Variants in CEP128 observed in about 807,000 individuals in gnomAD.
CEP128 encodes centrosomal protein 128kDa.
In CEP128, 132 loss-of-function variants were observed where a neutral mutation model predicts 156.7. That is an observed-to-expected ratio of 0.84 (90% CI 0.73 to 0.97). The LOEUF is 0.97. Among genes scored for constraint, CEP128 ranks in the 50% least tolerant of loss-of-function variants. The pLI, the probability that CEP128 is intolerant of heterozygous loss-of-function variation, is 0.00. For synonymous variants in CEP128, 469 were observed against 448.9 expected (o/e 1.04, Z -0.57); for missense variants, 1,252 against 1,281.9 (o/e 0.98, Z 0.36).
intron 19 of CEP128, among the ~76,000 whole-genome samples, chr14:80,681,193 G>A (rs1896310786): frequency 6.6e-6 from 1 of 152,088 alleles, no homozygotes; most frequent in South Asian, 2.1e-4. Context: ...CCCTAGCGAG[G>A]AAGGGAAAAG....
chr14:80,796,011 T>C (rs1346174942), intron 13 of CEP128, among the ~76,000 whole-genome samples: 1 of 152,126 alleles, frequency 6.6e-6, no homozygotes, highest in African/African-American at 2.4e-5. Context: ...CAATCCTACA[T>C]TATCTTCTAC....
At chr14:80,751,472 A>G (rs1167402507) in intron 18 of CEP128, among the ~76,000 whole-genome samples, 1 of 152,158 alleles carries the variant, frequency 6.6e-6, no homozygotes, top group East Asian at 1.9e-4. Flanking sequence ...ACAATTCCCA[A>G]TAATAATTAG....
chr14:80,861,119 T>C (rs938721569), intron 9 of CEP128, among the ~76,000 whole-genome samples: 1 of 152,032 alleles, frequency 6.6e-6, no homozygotes, highest in Non-Finnish European at 1.5e-5. Flanking sequence ...AGTAGGATTC[T>C]ATAAATGTAG....
intron 2 of CEP128, among the ~76,000 whole-genome samples, chr14:80,946,910 G>A (rs558654976): frequency 3.9e-5 from 6 of 152,200 alleles, no homozygotes; most frequent in Non-Finnish European, 7.3e-5. Flanking sequence ...CCCCCTTGCT[G>A]TTCTCATAAT....
intron 13 of CEP128, among the ~76,000 whole-genome samples, chr14:80,801,940 T>TAAAAAAA: frequency 1.7e-5 from 1 of 58,562 alleles, no homozygotes; most frequent in South Asian, 5.6e-4. Flanking sequence ...AAAAAAAAGC[T>TAAAAAAA]CAACATCACT....
intron 18 of CEP128, among the ~76,000 whole-genome samples, chr14:80,749,123 C>A: frequency 6.6e-6 from 1 of 152,106 alleles, no homozygotes; most frequent in East Asian, 1.9e-4. Flanking sequence ...CACCTCCAGG[C>A]AGTTCAGCAC....
intron 19 of CEP128, among the ~76,000 whole-genome samples, chr14:80,599,309 G>C (rs1441011900): frequency 8.6e-6 from 1 of 115,972 alleles, no homozygotes; most frequent in Non-Finnish European, 1.6e-5. Flanking sequence ...GTCTCGCTCT[G>C]TCACCCAGGC....
intron 13 of CEP128, 120 bp from the exon 14 acceptor site, chr14:80,793,230 T>C: frequency 1.4e-6 from 1 of 707,280 alleles, no homozygotes. Context: ...TTAAAATTCA[T>C]TAGCAATCAA....
chr14:80,716,535 C>A (rs1279249819), intron 19 of CEP128, among the ~76,000 whole-genome samples: 1 of 152,164 alleles, frequency 6.6e-6, no homozygotes, highest in Non-Finnish European at 1.5e-5. Flanking sequence ...TTTTCATATG[C>A]ATGAAGTTTT....
chr14:80,729,529 T>TC (rs1898184405), intron 19 of CEP128, among the ~76,000 whole-genome samples: 1 of 152,128 alleles, frequency 6.6e-6, no homozygotes, highest in African/African-American at 2.4e-5. Context: ...CTTCATAAAT[T>TC]CCCTCTGGGT....
chr14:80,855,440 T>C (rs1161635855), intron 9 of CEP128, among the ~76,000 whole-genome samples: 1 of 152,146 alleles, frequency 6.6e-6, no homozygotes. Flanking sequence ...GCTGGGATGA[T>C]CAATACGAGA....
intron 14 of CEP128, among the ~76,000 whole-genome samples, chr14:80,786,049 T>C (rs1032704172): frequency 1.3e-5 from 2 of 152,106 alleles, no homozygotes; most frequent in African/African-American, 4.8e-5. Flanking sequence ...CCATTATTTT[T>C]AAAATATCAA....
intron 19 of CEP128, among the ~76,000 whole-genome samples, chr14:80,643,351 C>G: frequency 6.6e-6 from 1 of 152,128 alleles, no homozygotes; most frequent in East Asian, 1.9e-4. Flanking sequence ...AGCGGCACCA[C>G]AGCAGTCAGC....
At chr14:80,779,342 T>C (rs1900974439) in intron 15 of CEP128, among the ~76,000 whole-genome samples, 1 of 152,162 alleles carries the variant, frequency 6.6e-6, no homozygotes, top group Non-Finnish European at 1.5e-5. Flanking sequence ...CCCACAAAAT[T>C]TACCTGAGAG....
In CEP128 at chr14:80,497,168, A is replaced by G. The variant is rs1887527135; in HGVS notation, c.*311T>C. 1 of 182,034 alleles carries G rather than the reference A, an allele frequency of 5.5e-6. No homozygotes were observed. Among genetic ancestry groups the G allele is most frequent in the Non-Finnish European group, 1.1e-5 (1 of 88,332 alleles). 11.3% of individuals were successfully genotyped at this position (182,034 alleles called of 1,614,324 possible). Reference sequence around the variant, plus strand: ...TTTAAAAGGCCTCAATTAGAAATCCAAATTTTGGTTGGGAAAATGTGACTG... The same window carrying G: ...TTTAAAAGGCCTCAATTAGAAATCCGAATTTTGGTTGGGAAAATGTGACTG... On this transcript the variant is annotated 3_prime_UTR_variant, in exon 25 of 25. Coordinates refer to ENST00000555265, the MANE Select transcript of CEP128 (RefSeq NM_152446.5).
chr14:80,857,289 C>T (rs1170046159), intron 9 of CEP128, among the ~76,000 whole-genome samples: 1 of 149,984 alleles, frequency 6.7e-6, no homozygotes, highest in East Asian at 1.9e-4. Flanking sequence ...ACACTACAAC[C>T]TACCAAGCCT....
intron 19 of CEP128, among the ~76,000 whole-genome samples, chr14:80,648,888 T>TTAAAGTAAAATATAA (rs1233652788): frequency 1.3e-5 from 2 of 152,062 alleles, no homozygotes; most frequent in Non-Finnish European, 2.9e-5. Flanking sequence ...GGGAACAATG[T>TTAAAGTAAAATATAA]TAAAGTAAAA....
At chr14:80,640,175 G>C (rs1027097734) in intron 19 of CEP128, among the ~76,000 whole-genome samples, 1 of 152,094 alleles carries the variant, frequency 6.6e-6, no homozygotes, top group Non-Finnish European at 1.5e-5. Context: ...TCTGAATCAG[G>C]TATATAGGAC....
chr14:80,531,815 G>C (rs536656141), intron 21 of CEP128, among the ~76,000 whole-genome samples: 3 of 152,232 alleles, frequency 2.0e-5, no homozygotes, highest in East Asian at 3.9e-4. Context: ...TATTCCATGT[G>C]CTTCCCTACT....
Sources: allele counts gnomAD v4.1 joint callset (sites outside exome capture counted in the v4.1 genomes callset), GRCh38; gene constraint gnomAD v4.1.1; transcripts MANE v1.5; gene names NCBI Gene and HGNC (gene_info 2026-07-23, HGNC 2026-07-21).